Variants in FUT8 observed in about 807,000 individuals in gnomAD.
FUT8 encodes fucosyltransferase 8, also known as alpha-(1,6)-fucosyltransferase.
A neutral mutation model predicts 71.3 loss-of-function variants in FUT8; 29 were observed. The ratio of observed to expected loss-of-function variants is 0.41; its 90% CI spans 0.30 to 0.55. The LOEUF (loss-of-function observed/expected upper bound fraction) is 0.55, where lower values mean the gene tolerates loss of function less well. Among genes scored for constraint, FUT8 ranks in the 20% least tolerant of loss-of-function variants. The probability of loss-of-function intolerance (pLI) is 0.34; values close to 1 mark genes in which losing one functional copy is unlikely to be tolerated. For synonymous variants in FUT8, 254 were observed against 239.3 expected, an observed-to-expected ratio of 1.06 and a Z score of -0.57; for missense variants, 544 against 702.1, an observed-to-expected ratio of 0.77 and a Z score of 2.55.
chr14:65,395,066 A>G, the FUT8 span, among the ~76,000 whole-genome samples: 15 of 152,300 alleles, frequency 9.8e-5, no homozygotes, highest in Non-Finnish European at 1.5e-4. Context: ...AGGCTTCAAA[A>G]TGATCTCCTT....
At chr14:65,424,539 CTTT>C (rs796843891) in intron 1 of FUT8, among the ~76,000 whole-genome samples, 9 of 125,428 alleles carry the variant, frequency 7.2e-5, no homozygotes, top group Non-Finnish European at 1.3e-4. Flanking sequence ...CTTTTCTTTT[CTTT>C]TTTTTTTTTT....
At chr14:65,558,329 A>C (rs866709276) in intron 2 of FUT8, among the ~76,000 whole-genome samples, 2 of 148,868 alleles carry the variant, frequency 1.3e-5, no homozygotes, top group Non-Finnish European at 1.5e-5. Context: ...GAGACTCAAA[A>C]AAAAAAAAAA....
At chr14:65,440,902 C>G (rs1566748810) in intron 1 of FUT8, among the ~76,000 whole-genome samples, 1 of 152,048 alleles carries the variant, frequency 6.6e-6, no homozygotes, top group Non-Finnish European at 1.5e-5. Context: ...GTACCCTTCA[C>G]CTAAATGAGG....
intron 3 of FUT8, among the ~76,000 whole-genome samples, chr14:65,567,031 A>G (rs1248539527): frequency 1.3e-5 from 2 of 151,994 alleles, no homozygotes; most frequent in African/African-American, 4.8e-5. Flanking sequence ...TGTCAATCTC[A>G]TGGAGTTGTA....
intron 8 of FUT8, among the ~76,000 whole-genome samples, chr14:65,722,792 G>C (rs1895484241): frequency 6.6e-6 from 1 of 152,138 alleles, no homozygotes; most frequent in African/African-American, 2.4e-5. Flanking sequence ...GCAAAGCAAA[G>C]AATAGCCGTG....
At chr14:65,618,088 G>A (rs1889399249) in intron 5 of FUT8, among the ~76,000 whole-genome samples, 1 of 137,752 alleles carries the variant, frequency 7.3e-6, no homozygotes, top group Non-Finnish European at 1.6e-5. Context: ...TTTTTTAGAT[G>A]TGGAGGTCTT....
intron 3 of FUT8, among the ~76,000 whole-genome samples, chr14:65,594,997 C>A (rs1887892156): frequency 6.6e-6 from 1 of 152,106 alleles, no homozygotes; most frequent in African/African-American, 2.4e-5. Context: ...TGGAAGTTTT[C>A]ACTTTGGGCC....
chr14:65,387,890 G>A, the FUT8 span, among the ~76,000 whole-genome samples: 9 of 152,228 alleles, frequency 5.9e-5, no homozygotes, highest in African/African-American at 1.9e-4. Flanking sequence ...AGTAGAAGTC[G>A]CACTTTTGGT....
At chr14:65,442,548 G>C (rs1044493988) in intron 1 of FUT8, among the ~76,000 whole-genome samples, 4 of 128,952 alleles carry the variant, frequency 3.1e-5, no homozygotes, top group African/African-American at 1.0e-4. Context: ...CATACATACA[G>C]TATAGGCCCG....
chr14:65,490,784 G>A (rs2139720321), intron 2 of FUT8, among the ~76,000 whole-genome samples: 1 of 152,190 alleles, frequency 6.6e-6, no homozygotes. Flanking sequence ...TAAGGGTTAT[G>A]GAAGACTGTG....
intron 9 of FUT8, among the ~76,000 whole-genome samples, chr14:65,726,012 G>A (rs570590115): frequency 2.0e-5 from 3 of 151,854 alleles, no homozygotes; most frequent in South Asian, 2.1e-4. Context: ...GCGCGCATGC[G>A]TGCACACACA....
intron 2 of FUT8, among the ~76,000 whole-genome samples, chr14:65,462,273 A>C (rs1397366870): frequency 6.6e-6 from 1 of 152,224 alleles, no homozygotes; most frequent in African/African-American, 2.4e-5. Flanking sequence ...CTAATTAATG[A>C]AGACATTAGG....
At chr14:65,442,846 A>G (rs2139495193) in intron 1 of FUT8, among the ~76,000 whole-genome samples, 1 of 151,854 alleles carries the variant, frequency 6.6e-6, no homozygotes, top group African/African-American at 2.4e-5. Flanking sequence ...AAAATTAAGA[A>G]TACAGTATAG....
intron 2 of FUT8, among the ~76,000 whole-genome samples, chr14:65,471,525 G>C (rs536487795): frequency 6.6e-6 from 1 of 152,088 alleles, no homozygotes; most frequent in Non-Finnish European, 1.5e-5. Flanking sequence ...TGTAAGACTG[G>C]TCCCCTTACA....
intron 6 of FUT8, among the ~76,000 whole-genome samples, chr14:65,658,720 G>GGA (rs1891815136): frequency 1.3e-5 from 2 of 152,070 alleles, no homozygotes; most frequent in Non-Finnish European, 2.9e-5. Flanking sequence ...TTATAGTGAT[G>GGA]GAGAGCAGTT....
intron 7 of FUT8, among the ~76,000 whole-genome samples, chr14:65,672,304 T>C (rs754507042): frequency 6.6e-6 from 1 of 152,198 alleles, no homozygotes; most frequent in South Asian, 2.1e-4. Flanking sequence ...AAATGATCAA[T>C]TTAGTTTTTT....
chr14:65,631,714 T>C (rs1480659757), intron 6 of FUT8, among the ~76,000 whole-genome samples: 1 of 152,144 alleles, frequency 6.6e-6, no homozygotes, highest in Non-Finnish European at 1.5e-5. Flanking sequence ...AATATTTTTC[T>C]TTTTTTCATA....
the FUT8 span, among the ~76,000 whole-genome samples, chr14:65,370,201 CTTTTTTTTTTTT>C: frequency 3.4e-5 from 2 of 58,442 alleles, no homozygotes; most frequent in African/African-American, 1.3e-4. Context: ...CACACATAGT[CTTTTTTTTTTTT>C]TTTTTTTTTT....
intron 2 of FUT8, among the ~76,000 whole-genome samples, chr14:65,482,790 T>C (rs1306076579): frequency 6.6e-6 from 1 of 152,190 alleles, no homozygotes; most frequent in Non-Finnish European, 1.5e-5. Context: ...ATTTTTCTTT[T>C]GTCAGCTGAC....
Sources: allele counts gnomAD v4.1 joint callset (sites outside exome capture counted in the v4.1 genomes callset), GRCh38; gene constraint gnomAD v4.1.1; transcripts MANE v1.5; gene names NCBI Gene and HGNC (gene_info 2026-07-23, HGNC 2026-07-21).